The following ANK3 variants were observed in gnomAD, a reference collection of about 807,000 sequenced individuals.
The protein encoded by ANK3 is ankyrin 3.
A neutral mutation model predicts 370.9 loss-of-function variants in ANK3; 57 were observed. The ratio of observed to expected loss-of-function variants is 0.15; its 90% CI spans 0.12 to 0.19. The LOEUF (loss-of-function observed/expected upper bound fraction) is 0.19, where lower values mean the gene tolerates loss of function less well. Ranked by LOEUF, ANK3 falls within the 10% of genes least tolerant of loss-of-function variation. ANK3 has a pLI of 1.00. For missense variants in ANK3, 4,439 were observed against 5,302.1 expected (o/e 0.84, Z 5.06); for synonymous variants, 1,929 against 1,946.3 (o/e 0.99, Z 0.23).
chr10:60,083,498 G>A lies in ANK3; in HGVS notation c.4194C>T (p.Ser1398=). ...YSFKENRLPF[S]IKIRDTSQEP... ...TCTGTTAAAGATGATTTACCTTGAT[G>A]GAAAATGGCAGTCTATTTTCTTTGA... Residue 1398 remains serine, a synonymous_variant, in exon 33 of 44, where the codon TCC becomes TCT. Transcript: ENST00000280772. The A allele has an allele frequency of 6.2e-7, 1 of 1,610,054 alleles. No individual in the cohort carries two copies. The highest frequency in any genetic ancestry group is 8.5e-7 in the Non-Finnish European group (1 of 1,178,608).
At chr10:60,682,701 T>C (rs74155687) in intron 1 of ANK3, among the ~76,000 whole-genome samples, 1,639 of 152,226 alleles carry the variant, frequency 0.011, 29 homozygotes, top group African/African-American at 0.037. Context: ...AGAACTGTAT[T>C]GAGAGAGTTT....
chr10:60,591,251 C>T (rs2077906349), intron 2 of ANK3, among the ~76,000 whole-genome samples: 1 of 152,068 alleles, frequency 6.6e-6, no homozygotes, highest in Admixed American at 6.5e-5. Flanking sequence ...TCCAGGCTTC[C>T]ATTCAAATCT....
chr10:60,224,690 C>T (rs2132497218), intron 8 of ANK3, among the ~76,000 whole-genome samples: 1 of 151,972 alleles, frequency 6.6e-6, no homozygotes, highest in East Asian at 1.9e-4. Context: ...AATACAAACT[C>T]CTCACTCTAG....
chr10:60,127,729 C>T (rs1294686706), intron 25 of ANK3, among the ~76,000 whole-genome samples: 7 of 136,718 alleles, frequency 5.1e-5, no homozygotes, highest in South Asian at 2.3e-4. Flanking sequence ...GACAGAGTCT[C>T]GCTCTGTCTC....
chr10:60,524,485 T>C (rs1386896301), intron 2 of ANK3, among the ~76,000 whole-genome samples: 1 of 152,066 alleles, frequency 6.6e-6, no homozygotes, highest in Non-Finnish European at 1.5e-5. Context: ...TGAATGAATC[T>C]CATGAGATCT....
intron 2 of ANK3, among the ~76,000 whole-genome samples, chr10:60,588,162 TA>T (rs2077858462): frequency 2.8e-4 from 12 of 43,338 alleles, no homozygotes; most frequent in East Asian, 6.8e-4. Flanking sequence ...TCTCAGTTTT[TA>T]TTATTATTAT....
At chr10:60,084,232 C>T (rs1297970461) in intron 32 of ANK3, 2 of 154,706 alleles carry the variant, frequency 1.3e-5, no homozygotes, top group African/African-American at 2.4e-5. Flanking sequence ...TGGTGAAACC[C>T]CATCTCTACT....
intron 18 of ANK3, among the ~76,000 whole-genome samples, chr10:60,180,749 A>T (rs1051277393): frequency 1.3e-5 from 2 of 152,220 alleles, no homozygotes; most frequent in African/African-American, 4.8e-5. Context: ...TGATGACATG[A>T]GAAGTCCTAT....
chr10:60,409,152 T>A (rs2063510481), intron 2 of ANK3, among the ~76,000 whole-genome samples: 1 of 152,160 alleles, frequency 6.6e-6, no homozygotes, highest in South Asian at 2.1e-4. Flanking sequence ...ACAGCTGATT[T>A]CTCCGTTTTA....
intron 1 of ANK3, among the ~76,000 whole-genome samples, chr10:60,731,203 T>C (rs990810750): frequency 6.6e-6 from 1 of 152,194 alleles, no homozygotes; most frequent in Non-Finnish European, 1.5e-5. Flanking sequence ...CACTTATTTC[T>C]TTAAACTCAT....
intron 2 of ANK3, among the ~76,000 whole-genome samples, chr10:60,493,985 C>G (rs1453842048): frequency 6.6e-6 from 1 of 152,124 alleles, no homozygotes; most frequent in Non-Finnish European, 1.5e-5. Flanking sequence ...ATTTCCTCTG[C>G]TAGCAACTAG....
At chr10:60,043,275 C>T (rs2076420934) in intron 42 of ANK3, 1 of 985,440 alleles carries the variant, frequency 1.0e-6, no homozygotes, top group Non-Finnish European at 1.2e-6. Context: ...GAATACAGTT[C>T]CCCGAGAGCA....
At chr10:60,732,632 A>G (rs980997832) in intron 1 of ANK3, among the ~76,000 whole-genome samples, 1 of 152,084 alleles carries the variant, frequency 6.6e-6, no homozygotes, top group Non-Finnish European at 1.5e-5. Flanking sequence ...GTCTCAATCT[A>G]TGAAGTATGT....
intron 7 of ANK3, among the ~76,000 whole-genome samples, chr10:60,246,967 T>C (rs1248631707): frequency 6.6e-6 from 1 of 152,180 alleles, no homozygotes; most frequent in Non-Finnish European, 1.5e-5. Flanking sequence ...CTCTTCCACC[T>C]TTGCATGATT....
chr10:60,221,227 C>T (rs2097050802), intron 8 of ANK3, among the ~76,000 whole-genome samples: 1 of 151,994 alleles, frequency 6.6e-6, no homozygotes, highest in Admixed American at 6.5e-5. Flanking sequence ...TTACAGGCGC[C>T]TGCCACCACG....
At chr10:60,089,147 C>T (rs2087495781) in intron 28 of ANK3, among the ~76,000 whole-genome samples, 1 of 152,170 alleles carries the variant, frequency 6.6e-6, no homozygotes, top group African/African-American at 2.4e-5. Context: ...TTTCTTTGTG[C>T]CCACTGATGG....
At chr10:60,361,548 G>A (rs1056727709) in intron 1 of ANK3, among the ~76,000 whole-genome samples, 4 of 152,156 alleles carry the variant, frequency 2.6e-5, no homozygotes, top group Admixed American at 2.6e-4. Flanking sequence ...TTTCATCAAT[G>A]TATTATTCCA....
rs932048305 is a variant in ANK3 at position 60,436,982 on chromosome 10, T to C, written c.97-157343A>G. Reference sequence around the variant, plus strand: ...TGTCAAATCTTCATCTAGTCTGTTGTAGACTGGAGTCAGAACGCACAGGAC... The same window carrying C: ...TGTCAAATCTTCATCTAGTCTGTTGCAGACTGGAGTCAGAACGCACAGGAC... On this transcript the variant is annotated intron_variant, in intron 2 of 43. Coordinates refer to the ANK3 transcript ENST00000373827. Among the ~76,000 whole-genome samples the C allele has an allele frequency of 3.3e-5, 5 of 152,204 alleles. No homozygotes were observed. In the East Asian group the frequency reaches 7.7e-4, roughly 23 times the overall value.
chr10:60,421,263 T>C (rs2063773064), intron 2 of ANK3, among the ~76,000 whole-genome samples: 1 of 152,108 alleles, frequency 6.6e-6, no homozygotes, highest in African/African-American at 2.4e-5. Context: ...GGGATAGCTG[T>C]ACAACATCTG....
Sources: allele counts gnomAD v4.1 joint callset (sites outside exome capture counted in the v4.1 genomes callset), GRCh38; gene constraint gnomAD v4.1.1; transcripts MANE v1.5; gene names NCBI Gene and HGNC (gene_info 2026-07-23, HGNC 2026-07-21).